The following TDRD9 variants were observed in gnomAD, a reference collection of about 807,000 sequenced individuals.
The protein encoded by TDRD9 is tudor domain containing 9, also known as ATP-dependent RNA helicase TDRD9.
TDRD9 carries 124 observed loss-of-function variants against 172.6 expected under a neutral mutation model. The observed-to-expected ratio is 0.72, with a 90% CI of 0.62 to 0.83. The LOEUF (loss-of-function observed/expected upper bound fraction) is 0.83, where lower values mean the gene tolerates loss of function less well. TDRD9 is among the 40% of genes least tolerant of loss of function. TDRD9 has a pLI of 0.00. For missense variants in TDRD9, 1,479 were observed against 1,714.1 expected (o/e 0.86, Z 2.42); for synonymous variants, 619 against 617.1 (o/e 1.00, Z -0.05).
chr14:103,941,009 T>C, intron 1 of TDRD9: 1 of 1,535,390 alleles, frequency 6.5e-7, no homozygotes, highest in Non-Finnish European at 8.7e-7. Context: ...TCACTCCCTC[T>C]GTCAGAGCTG....
chr14:104,026,815 TG>T lies in TDRD9; in HGVS notation c.3160del (p.Val1054CysfsTer21). The T allele has an allele frequency of 6.2e-7, 1 of 1,614,038 alleles. No individual in the cohort carries two copies. Among genetic ancestry groups the T allele is most frequent in the East Asian group, 2.2e-5 (1 of 44,890 alleles). On this transcript the variant is annotated frameshift_variant, in exon 28 of 36. Coordinates refer to ENST00000409874, the MANE Select transcript of TDRD9 (RefSeq NM_153046.3). LOFTEE classifies it high-confidence loss of function. ...GCTLLVKVFS[V>X]VHSVLHVDVY... ...ACCCTCCTTGTGAAGGTCTTCTCTG[TG>T]GTGCACAGCGTCCTGCACGTGGATG... is the stretch of plus-strand genomic sequence containing the variant.
chr14:103,998,661 T>C lies in TDRD9; in HGVS notation c.1416T>C (p.Asp472=). The change falls in exon 13 of 36, where the codon GAT becomes GAC. Residue 472 remains aspartate, a synonymous_variant. Coordinates refer to ENST00000409874, the MANE Select transcript of TDRD9 (RefSeq NM_153046.3). ...DFCLTRTLVC[D]EDTNYQSLRL... ...GTTTGACTAGAACTTTGGTCTGTGA[T>C]GAAGATACAAATTATCAGAGTCTGC... The C allele has an allele frequency of 3.1e-6, 5 of 1,611,764 alleles. No individual in the cohort carries two copies. Among genetic ancestry groups the C allele is most frequent in the Non-Finnish European group, 4.2e-6 (5 of 1,177,856 alleles).
chr14:104,032,771 G>A (rs1021819210), intron 30 of TDRD9, among the ~76,000 whole-genome samples: 2 of 152,192 alleles, frequency 1.3e-5, no homozygotes, highest in Non-Finnish European at 2.9e-5. Flanking sequence ...TGCAGTTGGC[G>A]GGTGGGGGGC....
chr14:103,976,472 A>G (rs1257559603), intron 7 of TDRD9, among the ~76,000 whole-genome samples: 1 of 151,856 alleles, frequency 6.6e-6, no homozygotes, highest in Non-Finnish European at 1.5e-5. Context: ...ACGGGGTTTC[A>G]CTGTGGTCTC....
At chr14:104,022,413 C>A in intron 24 of TDRD9, 83 bp downstream of exon 24, 1 of 1,388,250 alleles carries the variant, frequency 7.2e-7, no homozygotes, top group Non-Finnish European at 9.9e-7. Flanking sequence ...GTTGATCTGG[C>A]ATTGCTTCAG....
At chr14:103,983,062 T>TTTTTTTTC (rs2033540104) in intron 7 of TDRD9, among the ~76,000 whole-genome samples, 1 of 142,232 alleles carries the variant, frequency 7.0e-6, no homozygotes, top group African/African-American at 2.6e-5. Flanking sequence ...GTCACTTTTT[T>TTTTTTTTC]TTTTTTTTTT....
At chr14:104,044,044 C>T (rs2035690500) in intron 34 of TDRD9, among the ~76,000 whole-genome samples, 1 of 152,128 alleles carries the variant, frequency 6.6e-6, no homozygotes, top group South Asian at 2.1e-4. Context: ...CTGGTCAATC[C>T]CACCACTGCA....
rs2152208543 is a variant in TDRD9 at position 103,998,642 on chromosome 14, C to G, written c.1397C>G (p.Thr466Ser). 1.2e-6 allele frequency: 2 copies of G among 1,606,668 alleles called. No homozygotes were observed. Among genetic ancestry groups the G allele is most frequent in the East Asian group, 2.2e-5 (1 of 44,856 alleles). Residue 466 changes from threonine (T) to serine (S), a missense_variant, in exon 13 of 36, where the codon ACT becomes AGT. Around this residue, in one of 3 missense-constraint regions of TDRD9, gnomAD observed 1,413 missense variants for 1,649.1 expected, o/e 0.86. Coordinates refer to ENST00000409874, the MANE Select transcript of TDRD9 (RefSeq NM_153046.3). ...ATGGCAGTTATAGATTTTTGTTTGA[C>G]TAGAACTTTGGTCTGTGATGAAGAT... is the stretch of plus-strand genomic sequence containing the variant. Reference protein sequence around the residue: ...DVKYVIDFCLTRTLVCDEDTN... With the variant: ...DVKYVIDFCLSRTLVCDEDTN...
At chr14:103,938,440 A>ATATTTTTTTTTT (rs1334417901) in intron 1 of TDRD9, among the ~76,000 whole-genome samples, 1 of 44,548 alleles carries the variant, frequency 2.2e-5, no homozygotes, top group African/African-American at 9.2e-5. Flanking sequence ...ATATATATAT[A>ATATTTTTTTTTT]TTTTTTTTTT....
At chr14:103,995,911 C>T (rs2034042928) in intron 12 of TDRD9, 104 bp downstream of exon 12, 7 of 1,059,106 alleles carry the variant, frequency 6.6e-6, no homozygotes, top group African/African-American at 1.6e-5. Flanking sequence ...CCCATCTCCT[C>T]CCGTTTTGGA....
At chr14:104,042,418 G>A (rs2035636997) in intron 34 of TDRD9, among the ~76,000 whole-genome samples, 1 of 152,114 alleles carries the variant, frequency 6.6e-6, no homozygotes, top group Admixed American at 6.6e-5. Context: ...CGTGGGCAGG[G>A]CATGGGAAGC....
At chr14:103,958,928 G>A (rs990931223) in intron 2 of TDRD9, among the ~76,000 whole-genome samples, 4 of 152,212 alleles carry the variant, frequency 2.6e-5, no homozygotes, top group Non-Finnish European at 5.9e-5. Context: ...GGGCTGTAAC[G>A]AAGAGTTTTG....
chr14:104,011,381 A>G (rs1356218195), intron 20 of TDRD9, among the ~76,000 whole-genome samples: 1 of 152,202 alleles, frequency 6.6e-6, no homozygotes, highest in Non-Finnish European at 1.5e-5. Context: ...CAATACTATG[A>G]GATGTTGTTA....
intron 5 of TDRD9, among the ~76,000 whole-genome samples, chr14:103,968,373 A>C (rs1182189463): frequency 6.6e-6 from 1 of 152,258 alleles, no homozygotes; most frequent in East Asian, 1.9e-4. Flanking sequence ...AGGTTTACAT[A>C]TAGTATCGTT....
chr14:104,045,215 A>G (rs928615714), intron 34 of TDRD9, among the ~76,000 whole-genome samples: 2 of 152,122 alleles, frequency 1.3e-5, no homozygotes, highest in African/African-American at 2.4e-5. Context: ...TCTACCAGCA[A>G]CATAGGCTGG....
In TDRD9 at chr14:104,006,901, T is replaced by C. The variant is rs1006927435; in HGVS notation, c.2007+56T>C. The C allele has an allele frequency of 6.9e-6, 10 of 1,441,946 alleles. No individual in the cohort carries two copies. The African/African-American group carries it at 1.4e-4, about 20-fold the overall frequency. The allele number at this position is 1,441,946 out of a possible 1,614,324, so 89.3% of individuals were successfully genotyped here. ...CAGCTACCACAGATTGTTAGTACAT[T>C]TTCATACCACAAACATATGAGGTAG... On this transcript the variant is annotated intron_variant, in intron 18 of 35. Transcript: ENST00000409874.
chr14:104,016,086 G>A lies in TDRD9; in HGVS notation c.2329G>A (p.Val777Met), dbSNP rs781139035. The A allele has an allele frequency of 5.0e-6, 8 of 1,595,216 alleles. No homozygotes were observed. The East Asian group carries it at 6.8e-5, about 14-fold the overall frequency. ...TGGCAAGGACCCCAAGACAACTGTC[G>A]TGGTAGGTGCTGGGGGCAGGCCGTC... ...LAGKDPKTTVVLKHIPPYGFL... is the reference protein window; with the variant it reads ...LAGKDPKTTVMLKHIPPYGFL... Residue 777 changes from valine to methionine, a missense_variant and splice_region_variant, in exon 22 of 36, where the codon GTG becomes ATG. Coordinates refer to ENST00000409874, the MANE Select transcript of TDRD9 (RefSeq NM_153046.3).
At chr14:103,974,926 T>G (rs908051329) in intron 6 of TDRD9, among the ~76,000 whole-genome samples, 2 of 152,120 alleles carry the variant, frequency 1.3e-5, no homozygotes, top group African/African-American at 2.4e-5. Flanking sequence ...TTAAAATTTA[T>G]TTTTAATTAA....
chr14:104,009,810 G>A (rs1334316160), intron 20 of TDRD9, among the ~76,000 whole-genome samples: 1 of 152,028 alleles, frequency 6.6e-6, no homozygotes, highest in Non-Finnish European at 1.5e-5. Context: ...CTGTTGCCCA[G>A]GCTGGAGTGC....
Sources: allele counts gnomAD v4.1 joint callset (sites outside exome capture counted in the v4.1 genomes callset), GRCh38; gene constraint gnomAD v4.1.1; regional missense constraint gnomAD v4.1.1; transcripts MANE v1.5; gene names NCBI Gene and HGNC (gene_info 2026-07-23, HGNC 2026-07-21).